Variants in HCN1 observed in about 807,000 individuals in gnomAD.
The protein encoded by HCN1 is hyperpolarization activated cyclic nucleotide gated potassium channel 1.
In HCN1, 13 loss-of-function variants were observed where a neutral mutation model predicts 78.9. The observed-to-expected ratio is 0.16, with a 90% confidence interval of 0.11 to 0.26. The LOEUF is 0.26. Among genes scored for constraint, HCN1 ranks in the 10% least tolerant of loss-of-function variants. The pLI, the probability that HCN1 is intolerant of heterozygous loss-of-function variation, is 1.00. For missense variants in HCN1, 810 were observed against 1,154.3 expected (o/e 0.70, Z 4.32); for synonymous variants, 552 against 455.5 (o/e 1.21, Z -2.70).
chr5:45,456,107 TA>T (rs1164916623), intron 3 of HCN1, among the ~76,000 whole-genome samples: 1 of 152,024 alleles, frequency 6.6e-6, no homozygotes, highest in Non-Finnish European at 1.5e-5. Flanking sequence ...TTACGCATCT[TA>T]ACTTTTTGGA....
chr5:45,455,722 T>G (rs377207095), intron 3 of HCN1, among the ~76,000 whole-genome samples: 1 of 146,004 alleles, frequency 6.8e-6, no homozygotes, highest in African/African-American at 2.6e-5. Context: ...TAGGCTATGT[T>G]ATGTGTGAGC....
Position 45,491,471 on chromosome 5 carries a change from G to T in HCN1, c.850-29464C>A, listed in dbSNP as rs143946103. Among the ~76,000 whole-genome samples the T allele has an allele frequency of 7.9e-5, 12 of 151,892 alleles. 1 individual carries two copies. The highest frequency in any genetic ancestry group is 7.9e-4 in the Admixed American group (12 of 15,244). On this transcript the variant is annotated intron_variant, in intron 2 of 7. Coordinates refer to ENST00000303230, the MANE Select transcript of HCN1 (RefSeq NM_021072.4). The stretch of plus-strand genomic sequence containing the variant: ...TAGGGGCCTTTAACTTACCTTGTGC[G>T]CTCAAGTATTCACACTGTCCAAACC...
chr5:45,534,040 C>T (rs905714401), intron 2 of HCN1, among the ~76,000 whole-genome samples: 1 of 152,072 alleles, frequency 6.6e-6, no homozygotes, highest in African/African-American at 2.4e-5. Context: ...TCCTGTTCTA[C>T]TGAGCATAGA....
chr5:45,483,383 G>C (rs1210947001), intron 2 of HCN1, among the ~76,000 whole-genome samples: 1 of 152,134 alleles, frequency 6.6e-6, no homozygotes, highest in Non-Finnish European at 1.5e-5. Flanking sequence ...GATTAGTGAT[G>C]TTGAATTTTT....
chr5:45,561,055 A>C (rs1166323128), intron 2 of HCN1, among the ~76,000 whole-genome samples: 5 of 152,062 alleles, frequency 3.3e-5, no homozygotes, highest in Non-Finnish European at 7.4e-5. Flanking sequence ...TTCTTTAACA[A>C]ATTTTTTTTA....
At chr5:45,362,833 A>C (rs1362314795) in intron 4 of HCN1, among the ~76,000 whole-genome samples, 1 of 151,944 alleles carries the variant, frequency 6.6e-6, no homozygotes, top group Non-Finnish European at 1.5e-5. Flanking sequence ...TCATCAAAAA[A>C]TGACTCTCTA....
chr5:45,563,998 T>G (rs1743657868), intron 2 of HCN1, among the ~76,000 whole-genome samples: 1 of 152,164 alleles, frequency 6.6e-6, no homozygotes, highest in African/African-American at 2.4e-5. Flanking sequence ...ACAACTGAGG[T>G]GACATATGAC....
At chr5:45,295,553 T>A (rs1745471328) in intron 6 of HCN1, among the ~76,000 whole-genome samples, 1 of 152,038 alleles carries the variant, frequency 6.6e-6, no homozygotes. Context: ...TAAAAAATTA[T>A]ACTGATCTAG....
At chr5:45,521,673 G>A (rs1448451225) in intron 2 of HCN1, among the ~76,000 whole-genome samples, 1 of 151,788 alleles carries the variant, frequency 6.6e-6, no homozygotes, top group African/African-American at 2.4e-5. Flanking sequence ...AAATAGGGTC[G>A]CATGCTGAAG....
rs887218056 is a variant in HCN1, at chr5:45,262,481, T to C, written c.2113A>G (p.Ser705Gly). ...SPCSYTTAVC[S>G]PPVQSPLAAR... The stretch of plus-strand genomic sequence containing the variant: ...GCCAGAGGGCTCTGTACAGGAGGGC[T>C]GCAGACCGCGGTGGTGTAGGAGCAG... The change falls in exon 8 of 8, where the codon AGC becomes GGC. Residue 705 changes from serine (S) to glycine (G), a missense_variant. Coordinates refer to ENST00000303230, the MANE Select transcript of HCN1 (RefSeq NM_021072.4). The C allele has an allele frequency of 1.9e-6, 3 of 1,612,900 alleles. No individual in the cohort carries two copies. In the African/African-American group the frequency reaches 4.0e-5, roughly 22 times the overall value.
chr5:45,500,479 G>A (rs1742165585), intron 2 of HCN1, among the ~76,000 whole-genome samples: 1 of 152,120 alleles, frequency 6.6e-6, no homozygotes, highest in African/African-American at 2.4e-5. Flanking sequence ...TAAAATTAGT[G>A]GATAATATGT....
At chr5:45,377,044 G>T (rs951965895) in intron 4 of HCN1, among the ~76,000 whole-genome samples, 1 of 151,924 alleles carries the variant, frequency 6.6e-6, no homozygotes, top group Non-Finnish European at 1.5e-5. Context: ...TATAAGAAAA[G>T]GTTTGACTTA....
At chr5:45,275,335 C>A (rs1007911661) in intron 6 of HCN1, among the ~76,000 whole-genome samples, 5 of 151,932 alleles carry the variant, frequency 3.3e-5, no homozygotes, top group Admixed American at 6.6e-5. Context: ...AAACAAGGTG[C>A]TCACATTTGA....
chr5:45,446,461 C>T (rs1740798862), intron 3 of HCN1, among the ~76,000 whole-genome samples: 2 of 152,038 alleles, frequency 1.3e-5, no homozygotes, highest in African/African-American at 4.8e-5. Flanking sequence ...GGAAAACACT[C>T]TGCAGGATAT....
At chr5:45,268,744 A>T (rs975085551) in intron 6 of HCN1, among the ~76,000 whole-genome samples, 2 of 152,124 alleles carry the variant, frequency 1.3e-5, no homozygotes, top group Non-Finnish European at 2.9e-5. Context: ...GCTAAATAAT[A>T]TTGTGGGGTC....
intron 5 of HCN1, among the ~76,000 whole-genome samples, chr5:45,342,434 T>C (rs1407868843): frequency 6.6e-6 from 1 of 151,528 alleles, no homozygotes; most frequent in African/African-American, 2.4e-5. Context: ...AGATGGAGTT[T>C]GCCATGTTGG....
chr5:45,544,709 T>C (rs920192065), intron 2 of HCN1, among the ~76,000 whole-genome samples: 6 of 151,796 alleles, frequency 4.0e-5, no homozygotes, highest in Non-Finnish European at 7.4e-5. Flanking sequence ...TGTTTGGTTT[T>C]CTGTCCTTGC....
intron 2 of HCN1, among the ~76,000 whole-genome samples, chr5:45,590,379 C>T (rs1453313737): frequency 6.6e-6 from 1 of 152,206 alleles, no homozygotes; most frequent in Non-Finnish European, 1.5e-5. Context: ...CTCACACACA[C>T]ATAGCTTCCT....
intron 2 of HCN1, among the ~76,000 whole-genome samples, chr5:45,519,279 A>C (rs1338181100): frequency 6.6e-6 from 1 of 152,062 alleles, no homozygotes; most frequent in Non-Finnish European, 1.5e-5. Context: ...GTTCAAGAAG[A>C]TGATCAGGTA....
Sources: allele counts gnomAD v4.1 joint callset (sites outside exome capture counted in the v4.1 genomes callset), GRCh38; gene constraint gnomAD v4.1.1; transcripts MANE v1.5; gene names NCBI Gene and HGNC (gene_info 2026-07-23, HGNC 2026-07-21).